Variants in KIF13B observed in about 807,000 individuals in gnomAD.
The protein encoded by KIF13B is kinesin-like protein KIF13B.
Under a neutral mutation model 222.0 loss-of-function variants are expected in KIF13B, and 127 were observed. The ratio of observed to expected loss-of-function variants is 0.57; its 90% CI spans 0.50 to 0.66. KIF13B has a LOEUF of 0.66. KIF13B is among the 30% of genes least tolerant of loss of function. The probability of loss-of-function intolerance (pLI) is 0.00; values close to 1 mark genes in which losing one functional copy is unlikely to be tolerated. For synonymous variants in KIF13B, 976 were observed against 919.0 expected (o/e 1.06, Z -1.12); for missense variants, 2,173 against 2,379.0 (o/e 0.91, Z 1.80).
intron 2 of KIF13B, among the ~76,000 whole-genome samples, chr8:29,196,912 T>C (rs1813446803): frequency 6.6e-6 from 1 of 152,188 alleles, no homozygotes; most frequent in African/African-American, 2.4e-5. Context: ...GGATTTTCTA[T>C]GTGGGATGCT....
At chr8:29,073,128 C>A (rs78735398) in intron 38 of KIF13B, among the ~76,000 whole-genome samples, 1 of 40,436 alleles carries the variant, frequency 2.5e-5, no homozygotes, top group Non-Finnish European at 5.2e-5. Flanking sequence ...AGGAGGGGGA[C>A]GAGGAGGGGG....
At position 29,206,130 on chromosome 8, in the gene KIF13B, A is replaced by G. The variant is rs540305107; in HGVS notation, c.150-9931T>C. ...AAATTAACTAATTCCCCCCACAAAA[A>G]AAGAGGCTGGGGATAGGGGCATGGT... On this transcript the variant is annotated intron_variant, in intron 2 of 39. Coordinates refer to ENST00000524189, the MANE Select transcript of KIF13B (RefSeq NM_015254.4). Among the ~76,000 whole-genome samples, 14 of 151,280 alleles carry G rather than the reference A, an allele frequency of 9.3e-5. No homozygotes were observed. The South Asian group carries it at 2.7e-3, about 29-fold the overall frequency.
At chr8:29,142,330 A>G in intron 18 of KIF13B, 27 bp from the exon 19 acceptor site, 2 of 1,594,708 alleles carry the variant, frequency 1.3e-6, no homozygotes. Context: ...AATGACCGTG[A>G]GAAACACACA....
intron 15 of KIF13B, among the ~76,000 whole-genome samples, chr8:29,149,434 C>T (rs958280798): frequency 6.6e-6 from 1 of 152,126 alleles, no homozygotes; most frequent in African/African-American, 2.4e-5. Flanking sequence ...TAACAAGAGA[C>T]CAGGATGTTA....
intron 2 of KIF13B, among the ~76,000 whole-genome samples, chr8:29,224,595 C>T (rs150969258): frequency 6.6e-6 from 1 of 152,078 alleles, no homozygotes; most frequent in Non-Finnish European, 1.5e-5. Flanking sequence ...TTGAAGGAAT[C>T]GCTAAATTTC....
intron 2 of KIF13B, among the ~76,000 whole-genome samples, chr8:29,212,716 G>C (rs1388008815): frequency 6.6e-6 from 1 of 151,302 alleles, no homozygotes; most frequent in Admixed American, 6.6e-5. Context: ...AGAACAGCTG[G>C]GTCATGTGGT....
intron 2 of KIF13B, among the ~76,000 whole-genome samples, chr8:29,237,310 G>T (rs1326079229): frequency 2.0e-5 from 3 of 151,934 alleles, no homozygotes; most frequent in Non-Finnish European, 1.5e-5. Flanking sequence ...AGTAGGACCT[G>T]GTAGTTGCCT....
At chr8:29,171,488 T>C (rs948878211) in intron 10 of KIF13B, among the ~76,000 whole-genome samples, 6 of 152,080 alleles carry the variant, frequency 3.9e-5, no homozygotes, top group Non-Finnish European at 8.8e-5. Flanking sequence ...ACAAGTTCAA[T>C]GGAAATTATG....
At chr8:29,149,621 T>A (rs1398106541) in intron 15 of KIF13B, among the ~76,000 whole-genome samples, 2 of 152,212 alleles carry the variant, frequency 1.3e-5, no homozygotes. Context: ...GGAAGACTTC[T>A]CTGTTTTTTT....
In KIF13B at chr8:29,071,348, C is replaced by T. The variant is rs139351461; in HGVS notation, c.5218+272G>A. 1.1e-3 allele frequency among the ~76,000 whole-genome samples: 160 copies of T among 152,114 alleles called. No homozygotes were observed. Among genetic ancestry groups the T allele is most frequent in the African/African-American group, 3.8e-3 (156 of 41,500 alleles). ...AGGGAGTGCAGAGGGCAGGGGAGAC[C>T]GGAACAAAAGCGGGAACAGCCATGG... On this transcript the variant is annotated intron_variant, in intron 39 of 39. Coordinates refer to ENST00000524189, the MANE Select transcript of KIF13B (RefSeq NM_015254.4). The surrounding 1 kb of genome is among the most constrained non-coding windows in gnomAD (Gnocchi z 4.9).
intron 14 of KIF13B, among the ~76,000 whole-genome samples, chr8:29,155,099 T>C (rs998223079): frequency 2.6e-5 from 4 of 152,094 alleles, no homozygotes; most frequent in Non-Finnish European, 5.9e-5. Flanking sequence ...CCTTCATTCC[T>C]CCATGGTGTA....
In KIF13B at chr8:29,113,629, GA is replaced by G. The variant is rs1434865037; in HGVS notation, c.3838-75del. The G allele has an allele frequency of 7.1e-6, 6 of 844,326 alleles. No individual in the cohort carries two copies. The Admixed American group carries it at 1.4e-4, about 20-fold the overall frequency. The allele number at this position is 844,326 out of a possible 1,614,324, so 52.3% of individuals were successfully genotyped here. On this transcript the variant is annotated intron_variant, in intron 31 of 39. Coordinates refer to ENST00000524189, the MANE Select transcript of KIF13B (RefSeq NM_015254.4). ...GTTTACATTAACAAAAGACAGCATG[GA>G]AAATACTGGTTCATTCTAACCAAAA...
chr8:29,169,365 C>G (rs1489892039), intron 10 of KIF13B, among the ~76,000 whole-genome samples: 3 of 152,146 alleles, frequency 2.0e-5, no homozygotes, highest in Admixed American at 1.3e-4. Flanking sequence ...CCTTCAAGTC[C>G]AACATGATTT....
At chr8:29,156,900 C>A (rs1250490138) in intron 13 of KIF13B, among the ~76,000 whole-genome samples, 9 of 152,018 alleles carry the variant, frequency 5.9e-5, no homozygotes, top group Non-Finnish European at 1.3e-4. Context: ...GGAATAAGCG[C>A]CAAAGCTAAA....
intron 19 of KIF13B, 180 bp from the exon 20 acceptor site, chr8:29,140,797 T>C (rs1810784894): frequency 1.9e-6 from 1 of 539,964 alleles, no homozygotes; most frequent in South Asian, 2.8e-5. Context: ...ATTACTCCCA[T>C]ACACACTCTT....
At chr8:29,220,507 T>G (rs1272849257) in intron 2 of KIF13B, among the ~76,000 whole-genome samples, 1 of 152,080 alleles carries the variant, frequency 6.6e-6, no homozygotes, top group African/African-American at 2.4e-5. Context: ...GACAGCTGGT[T>G]TGTTGACATT....
intron 21 of KIF13B, among the ~76,000 whole-genome samples, chr8:29,136,977 T>C (rs897350638): frequency 6.6e-6 from 1 of 151,764 alleles, no homozygotes; most frequent in Non-Finnish European, 1.5e-5. Context: ...TTTTTTTGTA[T>C]TTTTAGTAGA....
At chr8:29,232,194 G>T (rs927956886) in intron 2 of KIF13B, among the ~76,000 whole-genome samples, 1 of 151,904 alleles carries the variant, frequency 6.6e-6, no homozygotes, top group Non-Finnish European at 1.5e-5. Context: ...AAAGGTTGAG[G>T]CTGCAGTAAG....
intron 2 of KIF13B, among the ~76,000 whole-genome samples, chr8:29,222,211 C>T (rs1814785043): frequency 6.6e-6 from 1 of 151,910 alleles, no homozygotes; most frequent in African/African-American, 2.4e-5. Flanking sequence ...ATTAGCTGGT[C>T]ATGGTGTTGT....
Sources: gnomAD v4.1 joint callset for allele counts (sites outside exome capture counted in the v4.1 genomes callset) on GRCh38, gnomAD v4.1.1 for gene constraint, Gnocchi (gnomAD v3.1) non-coding constraint, MANE v1.5 for transcripts, NCBI Gene and HGNC (gene_info 2026-07-23, HGNC 2026-07-21) for gene names.